CEP162: variants seen among roughly 807,000 people sequenced by gnomAD.
CEP162 encodes centrosomal protein of 162 kDa.
Under a neutral mutation model 169.2 loss-of-function variants are expected in CEP162, and 141 were observed. The ratio of observed to expected loss-of-function variants is 0.83; its 90% confidence interval spans 0.73 to 0.96. The LOEUF (loss-of-function observed/expected upper bound fraction) is 0.96. CEP162 is among the 40% of genes least tolerant of loss of function. CEP162 has a pLI of 0.00. For missense variants in CEP162, 1,600 were observed against 1,587.2 expected, an observed-to-expected ratio of 1.01 and a Z score of -0.14; for synonymous variants, 540 against 526.4, an observed-to-expected ratio of 1.03 and a Z score of -0.35.
intron 9 of CEP162, among the ~76,000 whole-genome samples, chr6:84,200,206 C>G (rs1030733299): frequency 6.6e-6 from 1 of 152,126 alleles, no homozygotes; most frequent in Non-Finnish European, 1.5e-5. Flanking sequence ...GCCAAGGTAG[C>G]GCCACTGCAC....
intron 3 of CEP162, chr6:84,219,141 G>A: frequency 7.8e-7 from 1 of 1,280,894 alleles, no homozygotes; most frequent in Non-Finnish European, 1.0e-6. Flanking sequence ...TTCTCAAGAG[G>A]AGTGTTGAAT....
chr6:84,157,003 A>C (rs1156456478), intron 21 of CEP162, among the ~76,000 whole-genome samples: 1 of 152,138 alleles, frequency 6.6e-6, no homozygotes. Context: ...AAAATTACCT[A>C]CCAGGTACAG....
chr6:84,147,495 T>A (rs970079959), intron 24 of CEP162, among the ~76,000 whole-genome samples: 17 of 152,096 alleles, frequency 1.1e-4, no homozygotes, highest in African/African-American at 3.9e-4. Context: ...TTTGAAGTGA[T>A]ACCAAGACAT....
At chr6:84,205,738 G>A (rs1329032642) in intron 6 of CEP162, among the ~76,000 whole-genome samples, 17 of 151,846 alleles carry the variant, frequency 1.1e-4, no homozygotes, top group African/African-American at 2.2e-4. Context: ...GGCAGGAGAA[G>A]GAAATAAAGG....
chr6:84,217,587 G>T (rs1423993823), intron 3 of CEP162, among the ~76,000 whole-genome samples: 1 of 152,202 alleles, frequency 6.6e-6, no homozygotes, highest in Non-Finnish European at 1.5e-5. Context: ...AAACGTCAGG[G>T]TGCAGGACTG....
At chr6:84,221,640 A>G (rs2099553756) in intron 2 of CEP162, among the ~76,000 whole-genome samples, 1 of 152,148 alleles carries the variant, frequency 6.6e-6, no homozygotes, top group African/African-American at 2.4e-5. Flanking sequence ...AGTGATTGAT[A>G]AACACTTATT....
At chr6:84,125,739 G>A (rs921073972) in intron 26 of CEP162, among the ~76,000 whole-genome samples, 1 of 152,102 alleles carries the variant, frequency 6.6e-6, no homozygotes, top group Non-Finnish European at 1.5e-5. Flanking sequence ...GCTGGAAAGA[G>A]AGCCCTCACC....
intron 2 of CEP162, among the ~76,000 whole-genome samples, chr6:84,223,563 C>T (rs1271768085): frequency 6.6e-6 from 1 of 150,420 alleles, no homozygotes; most frequent in Non-Finnish European, 1.5e-5. Flanking sequence ...AATAAAACAA[C>T]AAAAAGGCTG....
chr6:84,143,719 C>G (rs574532396), intron 25 of CEP162, among the ~76,000 whole-genome samples: 320 of 151,950 alleles, frequency 2.1e-3, no homozygotes, highest in African/African-American at 7.3e-3. Context: ...TAAAAATGAG[C>G]CTTAATGTCA....
At position 84,176,894 on chromosome 6, in the gene CEP162, A is replaced by AT. The variant is rs530022516; in HGVS notation, c.1664-1548dup. 9.3e-3 allele frequency among the ~76,000 whole-genome samples: 1,364 copies of AT among 146,622 alleles called. 14 individuals carry two copies. The highest frequency in any genetic ancestry group is 0.025 in the East Asian group (125 of 5,056). ...GTATCAAGTAATTATATTTATTTTA[A>AT]TTTTTTTTTTTGAGACAGAGTCTCG... is the stretch of plus-strand genomic sequence containing the variant. On this transcript the variant is annotated intron_variant, in intron 13 of 26. Transcript: ENST00000403245.
At chr6:84,176,445 G>C (rs2099532440) in intron 13 of CEP162, among the ~76,000 whole-genome samples, 2 of 152,128 alleles carry the variant, frequency 1.3e-5, no homozygotes. Flanking sequence ...GTAAGAGCAG[G>C]CTTTCAAAAC....
chr6:84,134,452 T>A (rs916497821), intron 25 of CEP162, among the ~76,000 whole-genome samples: 1 of 152,168 alleles, frequency 6.6e-6, no homozygotes, highest in Non-Finnish European at 1.5e-5. Flanking sequence ...AGTTTTGTGC[T>A]TGAAACCCAG....
intron 5 of CEP162, among the ~76,000 whole-genome samples, 161 bp from the exon 6 acceptor site, chr6:84,213,185 C>T (rs1429721509): frequency 2.0e-5 from 3 of 152,042 alleles, no homozygotes; most frequent in East Asian, 1.9e-4. Context: ...TTAAGGAAAA[C>T]GTTTTGAAAA....
intron 6 of CEP162, among the ~76,000 whole-genome samples, chr6:84,206,173 C>T (rs2099546878): frequency 6.7e-6 from 1 of 149,188 alleles, no homozygotes; most frequent in Non-Finnish European, 1.5e-5. Context: ...CAGTGCCATC[C>T]CCATCAAGCT....
intron 5 of CEP162, among the ~76,000 whole-genome samples, chr6:84,214,853 G>A (rs1175557061): frequency 1.3e-5 from 2 of 152,156 alleles, no homozygotes; most frequent in African/African-American, 4.8e-5. Context: ...GAGGTTTCCC[G>A]ATAACCATCA....
intron 11 of CEP162, among the ~76,000 whole-genome samples, chr6:84,189,410 C>A (rs775658928): frequency 2.6e-5 from 4 of 152,160 alleles, no homozygotes; most frequent in African/African-American, 9.7e-5. Flanking sequence ...GCGGCGCTTG[C>A]GGGCCAGCTG....
intron 11 of CEP162, among the ~76,000 whole-genome samples, chr6:84,192,791 T>C (rs117478568): frequency 1.3e-3 from 201 of 152,372 alleles, no homozygotes; most frequent in Middle Eastern, 3.4e-3. Flanking sequence ...CTATATGACC[T>C]TGGGCAATGG....
At chr6:84,223,291 G>A (rs1438105663) in intron 2 of CEP162, among the ~76,000 whole-genome samples, 2 of 151,520 alleles carry the variant, frequency 1.3e-5, no homozygotes, top group Non-Finnish European at 2.9e-5. Flanking sequence ...ACGAGGTCAG[G>A]AGTTTGAGAC....
intron 25 of CEP162, among the ~76,000 whole-genome samples, chr6:84,135,378 A>G (rs2099513575): frequency 6.6e-6 from 1 of 152,208 alleles, no homozygotes; most frequent in Admixed American, 6.5e-5. Flanking sequence ...ACTGGAGAAG[A>G]CAGATATCAC....
Sources: gnomAD v4.1 joint callset for allele counts (sites outside exome capture counted in the v4.1 genomes callset) on GRCh38, gnomAD v4.1.1 for gene constraint, MANE v1.5 for transcripts, NCBI Gene and HGNC (gene_info 2026-07-23, HGNC 2026-07-21) for gene names.